The following PDE8B variants were observed in gnomAD, a reference collection of about 807,000 sequenced individuals.
PDE8B encodes phosphodiesterase 8B, also known as high affinity cAMP-specific and IBMX-insensitive 3',5'-cyclic phosphodiesterase 8B.
In PDE8B, 26 loss-of-function variants were observed where a neutral mutation model predicts 101.3. That is an observed-to-expected ratio of 0.26 (90% CI 0.19 to 0.36). The LOEUF (loss-of-function observed/expected upper bound fraction) is 0.36. Among genes scored for constraint, PDE8B ranks in the 10% least tolerant of loss-of-function variants. The probability of loss-of-function intolerance (pLI) is 1.00; values close to 1 mark genes in which losing one functional copy is unlikely to be tolerated. For synonymous variants in PDE8B, 424 were observed against 429.3 expected, an observed-to-expected ratio of 0.99 and a Z score of 0.15; for missense variants, 810 against 1,163.1, an observed-to-expected ratio of 0.70 and a Z score of 4.42.
the PDE8B span, among the ~76,000 whole-genome samples, chr5:77,121,633 G>A: frequency 5.3e-5 from 8 of 151,500 alleles, no homozygotes; most frequent in African/African-American, 1.5e-4. Context: ...TCAGCCTCCC[G>A]AGTAGCTGGG....
chr5:77,212,114 G>T (rs1338220314), intron 1 of PDE8B, among the ~76,000 whole-genome samples: 2 of 152,114 alleles, frequency 1.3e-5, no homozygotes, highest in African/African-American at 4.8e-5. Context: ...GTGTCCTCCC[G>T]TATGTTCTCA....
chr5:77,330,703 C>T (rs1776958052), intron 4 of PDE8B, among the ~76,000 whole-genome samples: 1 of 152,084 alleles, frequency 6.6e-6, no homozygotes, highest in East Asian at 1.9e-4. Flanking sequence ...GGATATGTCC[C>T]CCATGTTACT....
chr5:77,321,113 C>T (rs139762464), intron 2 of PDE8B, among the ~76,000 whole-genome samples: 298 of 148,176 alleles, frequency 2.0e-3, no homozygotes, highest in African/African-American at 6.6e-3. Flanking sequence ...TTGACATCAG[C>T]AGTTTAACAT....
chr5:77,229,405 A>G (rs1284178995), intron 1 of PDE8B, among the ~76,000 whole-genome samples: 1 of 152,240 alleles, frequency 6.6e-6, no homozygotes, highest in Non-Finnish European at 1.5e-5. Flanking sequence ...CAAGCTATAA[A>G]GTGTCATGTA....
chr5:77,343,033 T>C (rs1254359761), intron 6 of PDE8B, among the ~76,000 whole-genome samples: 6 of 152,248 alleles, frequency 3.9e-5, no homozygotes, highest in Non-Finnish European at 7.3e-5. Flanking sequence ...AGAACGTCAT[T>C]GCCTCGTGTT....
rs1302842579 is a variant in PDE8B, at chr5:77,291,263, G to T, written c.340-20731G>T. ...AGGCCTACGCACAGATCCGAGTTGG[G>T]AACCCATGGGACCCTAATGTTCTCT... On this transcript the variant is annotated intron_variant, in intron 1 of 21. Transcript: ENST00000264917. 22 of 1,612,770 alleles carry T rather than the reference G, an allele frequency of 1.4e-5. 1 individual carries two copies. In the Admixed American group the frequency reaches 1.8e-4, roughly 13 times the overall value.
the PDE8B span, among the ~76,000 whole-genome samples, chr5:77,175,775 A>G: frequency 6.6e-6 from 1 of 152,256 alleles, no homozygotes; most frequent in Non-Finnish European, 1.5e-5. Context: ...GAATGAATAT[A>G]TAATTGCATA....
At chr5:77,417,425 G>GT (rs1795800602) in intron 17 of PDE8B, among the ~76,000 whole-genome samples, 1 of 152,216 alleles carries the variant, frequency 6.6e-6, no homozygotes, top group Non-Finnish European at 1.5e-5. Flanking sequence ...CTGTGCCAGT[G>GT]TAAATCATCA....
the PDE8B span, among the ~76,000 whole-genome samples, chr5:77,120,549 A>G: frequency 6.6e-6 from 1 of 152,258 alleles, no homozygotes; most frequent in Non-Finnish European, 1.5e-5. Flanking sequence ...TAGTAGATGG[A>G]TAGAATAATA....
chr5:77,146,615 T>C, the PDE8B span: 2 of 287,170 alleles, frequency 7.0e-6, no homozygotes, highest in Admixed American at 3.7e-5. Context: ...TGTTATTATA[T>C]GCATTCTTTG....
chr5:77,325,404 A>G, intron 2 of PDE8B, 135 bp from the exon 3 acceptor site: 1 of 802,190 alleles, frequency 1.2e-6, no homozygotes, highest in Non-Finnish European at 2.2e-6. Flanking sequence ...ACCTGGGCTT[A>G]AGTAGTCCAC....
the PDE8B span, among the ~76,000 whole-genome samples, chr5:77,181,118 T>G: frequency 1.0e-5 from 1 of 99,122 alleles, no homozygotes; most frequent in African/African-American, 3.9e-5. Context: ...CCCTCACCCT[T>G]GCACTAAGTT....
At chr5:77,127,131 C>G in the PDE8B span, among the ~76,000 whole-genome samples, 89 of 152,312 alleles carry the variant, frequency 5.8e-4, no homozygotes, top group South Asian at 0.018. Context: ...CAAGCTTATC[C>G]AGGTTCCTGC....
At chr5:77,110,214 C>G in the PDE8B span, among the ~76,000 whole-genome samples, 1 of 152,018 alleles carries the variant, frequency 6.6e-6, no homozygotes, top group Non-Finnish European at 1.5e-5. Context: ...GCTGGGATTA[C>G]AGGTGTGAGC....
the PDE8B span, among the ~76,000 whole-genome samples, chr5:77,100,578 G>A: frequency 1.3e-5 from 2 of 152,142 alleles, no homozygotes; most frequent in African/African-American, 4.8e-5. Flanking sequence ...CCGGTGGGAG[G>A]GGATATGGAA....
At chr5:77,316,126 ATTGTTTC>A (rs1249769772) in intron 2 of PDE8B, among the ~76,000 whole-genome samples, 1 of 150,596 alleles carries the variant, frequency 6.6e-6, no homozygotes, top group Non-Finnish European at 1.5e-5. Flanking sequence ...TTCCTTTTTT[ATTGTTTC>A]TTGTTTCTGC....
chr5:77,347,152 T>C (rs1168341537), intron 7 of PDE8B, among the ~76,000 whole-genome samples: 1 of 152,252 alleles, frequency 6.6e-6, no homozygotes, highest in Non-Finnish European at 1.5e-5. Context: ...TTTAAAACAC[T>C]TAATTGTTAC....
the PDE8B span, among the ~76,000 whole-genome samples, chr5:77,159,663 C>T: frequency 6.6e-6 from 1 of 152,202 alleles, no homozygotes; most frequent in Admixed American, 6.5e-5. Context: ...ACCTTGATTA[C>T]TACAGGTAGC....
At chr5:77,321,298 T>G (rs1022199365) in intron 2 of PDE8B, among the ~76,000 whole-genome samples, 9 of 152,012 alleles carry the variant, frequency 5.9e-5, no homozygotes, top group African/African-American at 2.2e-4. Flanking sequence ...ATTACAGGCA[T>G]GCACCACCAC....
Sources: gnomAD v4.1 joint callset for allele counts (sites outside exome capture counted in the v4.1 genomes callset) on GRCh38, gnomAD v4.1.1 for gene constraint, MANE v1.5 for transcripts, NCBI Gene and HGNC (gene_info 2026-07-23, HGNC 2026-07-21) for gene names.